Variants in SEMA3A observed in about 807,000 individuals in gnomAD.
SEMA3A encodes the protein semaphorin-3A.
Under a neutral mutation model 97.9 loss-of-function variants are expected in SEMA3A, and 29 were observed. That is an observed-to-expected ratio of 0.30 (90% CI 0.22 to 0.40). SEMA3A has a LOEUF of 0.40. Among genes scored for constraint, SEMA3A ranks in the 10% least tolerant of loss-of-function variants. The pLI is 1.00. For synonymous variants in SEMA3A, 321 were observed against 323.7 expected, an observed-to-expected ratio of 0.99 and a Z score of 0.09; for missense variants, 763 against 951.3, an observed-to-expected ratio of 0.80 and a Z score of 2.60.
chr7:84,247,288 C>T (rs1799497028), intron 3 of SEMA3A, among the ~76,000 whole-genome samples: 3 of 152,132 alleles, frequency 2.0e-5, no homozygotes, highest in Middle Eastern at 3.2e-3. Flanking sequence ...AACATAACTA[C>T]TTCCACTTCA....
At chr7:84,380,199 A>G (rs1643434940) in intron 1 of SEMA3A, among the ~76,000 whole-genome samples, 1 of 152,154 alleles carries the variant, frequency 6.6e-6, no homozygotes, top group African/African-American at 2.4e-5. Flanking sequence ...ATAAAGAGCT[A>G]TTTTCCTGGA....
chr7:84,232,630 A>G (rs928824084), intron 3 of SEMA3A, among the ~76,000 whole-genome samples: 10 of 151,954 alleles, frequency 6.6e-5, no homozygotes, highest in African/African-American at 2.4e-4. Flanking sequence ...ACCACAGCAT[A>G]TAAGAAAACA....
chr7:84,360,117 G>T (rs1802677015), intron 2 of SEMA3A, among the ~76,000 whole-genome samples: 3 of 151,986 alleles, frequency 2.0e-5, no homozygotes, highest in Admixed American at 6.6e-5. Flanking sequence ...TTTTTGAAGG[G>T]TTTTTTGTGT....
At chr7:84,412,037 AG>A in intron 1 of SEMA3A, among the ~76,000 whole-genome samples, 1 of 152,270 alleles carries the variant, frequency 6.6e-6, no homozygotes, top group Admixed American at 6.6e-5. Flanking sequence ...AGACACCTAT[AG>A]TGACTTTTCT....
chr7:84,369,607 C>A (rs1399365966), intron 2 of SEMA3A, among the ~76,000 whole-genome samples: 3 of 150,290 alleles, frequency 2.0e-5, no homozygotes, highest in Non-Finnish European at 4.5e-5. Context: ...ACATTCCTAA[C>A]CTAGTTGTTT....
intron 4 of SEMA3A, among the ~76,000 whole-genome samples, chr7:84,062,448 T>C (rs971600444): frequency 4.6e-5 from 7 of 152,228 alleles, no homozygotes; most frequent in Non-Finnish European, 7.3e-5. Flanking sequence ...AGCTCCGGTC[T>C]ACGGCTCCCA....
chr7:84,035,169 A>C (rs1791896163), intron 6 of SEMA3A, among the ~76,000 whole-genome samples: 1 of 152,058 alleles, frequency 6.6e-6, no homozygotes, highest in African/African-American at 2.4e-5. Flanking sequence ...AAGAAAATAT[A>C]TTTCCCTATC....
intron 3 of SEMA3A, among the ~76,000 whole-genome samples, chr7:84,206,129 T>C (rs922373862): frequency 6.6e-6 from 1 of 152,148 alleles, no homozygotes; most frequent in East Asian, 1.9e-4. Flanking sequence ...CTTTCCCTCA[T>C]ACAATTTCAG....
At chr7:84,129,285 G>C in intron 2 of SEMA3A, 100 bp from the exon 3 acceptor site, 1 of 956,796 alleles carries the variant, frequency 1.0e-6, no homozygotes, top group East Asian at 2.5e-5. Context: ...CTGAAGTAAA[G>C]AAAGTTCCAT....
intron 3 of SEMA3A, among the ~76,000 whole-genome samples, chr7:84,273,867 C>T (rs956832316): frequency 1.3e-5 from 2 of 151,916 alleles, no homozygotes; most frequent in African/African-American, 4.8e-5. Flanking sequence ...TATTTAATTG[C>T]TGATTCAGTA....
chr7:84,332,311 G>C (rs755850967), intron 2 of SEMA3A, among the ~76,000 whole-genome samples: 6 of 152,038 alleles, frequency 3.9e-5, no homozygotes, highest in Non-Finnish European at 8.8e-5. Flanking sequence ...TTATTAATGT[G>C]ATTGTAAATT....
At chr7:84,216,776 T>C (rs999740068) in intron 3 of SEMA3A, among the ~76,000 whole-genome samples, 2 of 152,094 alleles carry the variant, frequency 1.3e-5, no homozygotes, top group African/African-American at 4.8e-5. Context: ...ATTCTAAAAT[T>C]AGATACTAGA....
chr7:84,005,232 AC>A, intron 11 of SEMA3A, 106 bp downstream of exon 11: 2 of 775,886 alleles, frequency 2.6e-6, no homozygotes, highest in Non-Finnish European at 4.4e-6. Flanking sequence ...TGGATTTTCA[AC>A]TGCACAGAGG....
chr7:84,150,381 G>A (rs1036103655), intron 1 of SEMA3A, among the ~76,000 whole-genome samples: 33 of 151,870 alleles, frequency 2.2e-4, no homozygotes, highest in Middle Eastern at 3.4e-3. Flanking sequence ...CAGTGGGTGC[G>A]CACACTGTGC....
intron 1 of SEMA3A, among the ~76,000 whole-genome samples, chr7:84,470,585 T>G (rs1223694203): frequency 3.3e-5 from 5 of 152,118 alleles, no homozygotes; most frequent in Admixed American, 3.3e-4. Context: ...AATGTAAAAC[T>G]GTGACTGTCA....
intron 2 of SEMA3A, among the ~76,000 whole-genome samples, chr7:84,321,872 GAAA>G (rs1156548285): frequency 1.5e-3 from 18 of 12,076 alleles, no homozygotes; most frequent in Admixed American, 3.7e-3. Flanking sequence ...CGAGACTACG[GAAA>G]AAAAAAAAAA....
intron 5 of SEMA3A, among the ~76,000 whole-genome samples, 166 bp downstream of exon 5, chr7:84,060,299 A>T (rs2115682844): frequency 6.6e-6 from 1 of 152,322 alleles, no homozygotes; most frequent in Middle Eastern, 3.4e-3. Flanking sequence ...GCAAAATAGC[A>T]TTTAGTGTTT....
chr7:84,086,558 TTATTA>T (rs1463157591), intron 4 of SEMA3A, among the ~76,000 whole-genome samples: 3 of 47,922 alleles, frequency 6.3e-5, no homozygotes, highest in Non-Finnish European at 1.3e-4. Context: ...ATATAATATA[TTATTA>T]TATTATATTT....
intron 6 of SEMA3A, among the ~76,000 whole-genome samples, chr7:84,032,167 G>A (rs768160667): frequency 7.9e-5 from 12 of 152,062 alleles, no homozygotes; most frequent in African/African-American, 2.4e-4. Context: ...TTGGCAGTGC[G>A]GCTTGTCCTC....
Sources: allele counts gnomAD v4.1 joint callset (sites outside exome capture counted in the v4.1 genomes callset), GRCh38; gene constraint gnomAD v4.1.1; transcripts MANE v1.5; gene names NCBI Gene and HGNC (gene_info 2026-07-23, HGNC 2026-07-21).